Variants in MYH6 observed in about 807,000 individuals in gnomAD.
MYH6 encodes myosin heavy chain 6.
In MYH6, 126 loss-of-function variants were observed where a neutral mutation model predicts 223.2. The observed-to-expected ratio is 0.56, with a 90% CI of 0.49 to 0.65. The LOEUF (loss-of-function observed/expected upper bound fraction) is 0.65, where lower values mean the gene tolerates loss of function less well. Ranked by LOEUF, MYH6 falls within the 30% of genes least tolerant of loss-of-function variation. MYH6 has a pLI of 0.00. For synonymous variants in MYH6, 978 were observed against 1,010.2 expected (o/e 0.97, Z 0.61); for missense variants, 2,040 against 2,536.4 (o/e 0.80, Z 4.20).
At chr14:23,402,383 A>G (rs1212511273) in intron 12 of MYH6, 81 bp downstream of exon 12, 1 of 1,595,456 alleles carries the variant, frequency 6.3e-7, no homozygotes, top group Non-Finnish European at 8.5e-7. Context: ...CACAAGCCTC[A>G]GAGTCTCTGG....
chr14:23,392,862 A>G (rs1378699765), intron 24 of MYH6, 50 bp downstream of exon 24: 1 of 1,609,634 alleles, frequency 6.2e-7, no homozygotes, highest in Admixed American at 1.7e-5. Context: ...CACTCTATCT[A>G]CCAGGCCAGA....
At position 23,383,339 on chromosome 14, in the gene MYH6, G is replaced by GGGGGGGGGGCCCCCCCCCCCCC; in HGVS notation, c.5566-20_5566-19insGGGGGGGGGGGGGCCCCCCCCC. ...CCTCTGTCTGGGGGTGGGAGGGTGG[G>GGGGGGGGGGCCCCCCCCCCCCC]AGAAGCTGGTTTGGAGGGGGAGCAA... On this transcript the variant is annotated intron_variant, in intron 36 of 38. Coordinates refer to ENST00000405093, the MANE Select transcript of MYH6 (RefSeq NM_002471.4). The GGGGGGGGGGCCCCCCCCCCCCC allele has an allele frequency of 9.2e-6, 1 of 108,188 alleles. No homozygotes were observed. The highest frequency in any genetic ancestry group is 1.8e-5 in the Non-Finnish European group (1 of 54,380). 6.7% of individuals were successfully genotyped at this position (108,188 alleles called of 1,614,324 possible). A position where few individuals can be genotyped will look rare whatever the true frequency, so the allele number is the denominator to read the frequency against.
At chr14:23,396,917 C>G in intron 18 of MYH6, 46 bp downstream of exon 18, 4 of 1,612,464 alleles carry the variant, frequency 2.5e-6, no homozygotes, top group Non-Finnish European at 3.4e-6. Context: ...ATCAGGGCAG[C>G]CTGGCTCCCC....
chr14:23,396,217 C>T, intron 20 of MYH6, 67 bp downstream of exon 20: 1 of 1,610,016 alleles, frequency 6.2e-7, no homozygotes. Context: ...TTCTGACCCA[C>T]ACTAGTTGAC....
At position 23,384,592 on chromosome 14, in the gene MYH6, G is replaced by A. The variant is rs776160056; in HGVS notation, c.5415C>T (p.Ile1805=). The stretch of plus-strand genomic sequence containing the variant: ...GCTGCTTCTTGCCTCCCTTGAGGGC[G>A]ATCTGCTCGGCCTCGTCCAGCCGGT... ...LQHRLDEAEQ[I]ALKGGKKQLQ... is the part of the protein sequence containing the mutation. The change falls in exon 36 of 39, where the codon ATC becomes ATT. Residue 1805 remains isoleucine (I), a synonymous_variant. Transcript: ENST00000405093. 12 of 1,613,622 alleles carry A rather than the reference G, an allele frequency of 7.4e-6. No homozygotes were observed. The highest frequency in any genetic ancestry group is 1.7e-5 in the Admixed American group (1 of 60,014).
At position 23,402,362 on chromosome 14, in the gene MYH6, C is replaced by T. The variant is rs536643306; in HGVS notation, c.1141+102G>A. ...CTGTCCCTCACCATCCCACAACACA[C>T]CCCACTGCCCCACAAGCCTCAGAGT... On this transcript the variant is annotated intron_variant, in intron 12 of 38. Transcript: ENST00000405093. 5 of 1,560,644 alleles carry T rather than the reference C, an allele frequency of 3.2e-6. No homozygotes were observed. In the Admixed American group the frequency reaches 5.1e-5, roughly 16 times the overall value.
Position 23,407,021 on chromosome 14 carries a change from A to G in MYH6, c.201+2T>C. The G allele has an allele frequency of 1.2e-6, 2 of 1,608,646 alleles. No homozygotes were observed. The highest frequency in any genetic ancestry group is 2.2e-5 in the East Asian group (1 of 44,716). On this transcript the variant is annotated splice_donor_variant, in intron 3 of 38. Transcript: ENST00000405093. LOFTEE classifies it high-confidence loss of function. This position sits in a 1 kb window ranked among gnomAD's most constrained non-coding sequence, Gnocchi z 5.6. ...TCTGCCCCGGCGCCATGCCCTACTC[A>G]CCTTCCCATTCTCGGTTTCAGCAAT...
In MYH6 at chr14:23,392,985, C is replaced by T. The variant is rs775560235; in HGVS notation, c.3178G>A (p.Asp1060Asn). Residue 1060 changes from aspartate to asparagine, a missense_variant, in exon 24 of 39, where the codon GAC (aspartate) becomes AAC (asparagine). This residue lies in a region of MYH6 where 1,203 missense variants were observed against 1,400.2 expected (regional missense o/e 0.86). Transcript: ENST00000405093. Reference protein sequence around the residue: ...LERAKRKLEGDLKLTQESIMD... With the variant: ...LERAKRKLEGNLKLTQESIMD... ...ATGCTCTCCTGGGTCAGCTTCAGGT[C>T]GCCCTCCAGTTTCCGCTTTGCTCGC... The T allele has an allele frequency of 2.8e-5, 46 of 1,614,182 alleles. No homozygotes were observed. In the South Asian group the frequency reaches 3.0e-4, roughly 10 times the overall value.
At chr14:23,400,688 C>T in intron 13 of MYH6, 21 bp downstream of exon 13, 1 of 1,614,230 alleles carries the variant, frequency 6.2e-7, no homozygotes, top group Non-Finnish European at 8.5e-7. Flanking sequence ...TGTTCTCCCA[C>T]TCCCAGGGGT....
intron 15 of MYH6, among the ~76,000 whole-genome samples, chr14:23,397,910 T>TCTTCTCCTC (rs1891446401): frequency 8.9e-6 from 1 of 112,908 alleles, no homozygotes; most frequent in Admixed American, 8.2e-5. Flanking sequence ...ACATTCTAGT[T>TCTTCTCCTC]CTCCTCCTCC....
intron 30 of MYH6, 34 bp from the exon 31 acceptor site, chr14:23,387,957 C>G (rs760044070): frequency 5.6e-6 from 9 of 1,611,530 alleles, no homozygotes; most frequent in Admixed American, 1.7e-5. Flanking sequence ...TTCAGCCCCC[C>G]AGCCTTAGCT....
In MYH6 at chr14:23,398,892, G is replaced by A. The variant is rs769103956; in HGVS notation, c.1727C>T (p.Ala576Val). 4 of 1,614,028 alleles carry A rather than the reference G, an allele frequency of 2.5e-6. No individual in the cohort carries two copies. Among genetic ancestry groups the A allele is most frequent in the Admixed American group, 1.7e-5 (1 of 60,000 alleles). Residue 576 changes from alanine to valine, a missense_variant, in exon 15 of 39, where the codon GCC (alanine) becomes GTC (valine). This residue lies in a region of MYH6 where 649 missense variants were observed against 877.3 expected (regional missense o/e 0.74). Transcript: ENST00000405093. Reference sequence around the variant, plus strand: ...GGCGTAGTGGATCAGGGAGAAGTGGGCTTCCTGCTTCCCCTTGATGTTGCG... The same window carrying A: ...GGCGTAGTGGATCAGGGAGAAGTGGACTTCCTGCTTCCCCTTGATGTTGCG... Reference protein sequence around the residue: ...KPRNIKGKQEAHFSLIHYAGT... With the variant: ...KPRNIKGKQEVHFSLIHYAGT...
rs147586142 is a variant in MYH6 at position 23,387,853 on chromosome 14, C to T, written c.4430G>A (p.Arg1477His). 25 of 1,614,056 alleles carry T rather than the reference C, an allele frequency of 1.5e-5. No homozygotes were observed. Among genetic ancestry groups the T allele is most frequent in the East Asian group, 1.1e-4 (5 of 44,856 alleles). Reference sequence around the variant, plus strand: ...CTTGAAGAGCTCTGTGCTGAGGGAGCGAGCCTCCTTCTGTGAGGACTCCAG... The same window carrying T: ...CTTGAAGAGCTCTGTGCTGAGGGAGTGAGCCTCCTTCTGTGAGGACTCCAG... Reference protein sequence around the residue: ...SELESSQKEARSLSTELFKLK... With the variant: ...SELESSQKEAHSLSTELFKLK... Residue 1477 changes from arginine to histidine, a missense_variant, in exon 31 of 39, where the codon CGC (arginine) becomes CAC (histidine). By Grantham distance (29) the Arg-to-His change is conservative. Coordinates refer to ENST00000405093, the MANE Select transcript of MYH6 (RefSeq NM_002471.4).
intron 32 of MYH6, 41 bp from the exon 33 acceptor site, chr14:23,386,664 G>T (rs779214752): frequency 6.3e-7 from 1 of 1,579,758 alleles, no homozygotes; most frequent in South Asian, 1.2e-5. Context: ...CAGGGCACAG[G>T]GCAGGGTTGA....
Position 23,397,265 on chromosome 14 carries a change from CA to C in MYH6, c.1963-9del, listed in dbSNP as rs1378799945. 2 of 1,613,792 alleles carry C rather than the reference CA, an allele frequency of 1.2e-6. No homozygotes were observed. Among genetic ancestry groups the C allele is most frequent in the East Asian group, 4.5e-5 (2 of 44,880 alleles). On this transcript the variant is annotated splice_polypyrimidine_tract_variant and intron_variant, in intron 16 of 38. Transcript: ENST00000405093. The stretch of plus-strand genomic sequence containing the variant: ...TAGCTTGTTGAGATTTTCCTGGAGG[CA>C]GATGAAGGTGGGGAGTTAGGAGCCA...
intron 32 of MYH6, 26 bp from the exon 33 acceptor site, chr14:23,386,649 G>GGGGGGGGGGGC: frequency 8.1e-7 from 1 of 1,240,132 alleles, no homozygotes. Flanking sequence ...GCGAGGGCGG[G>GGGGGGGGGGGC]CAGACAGGGC....
chr14:23,397,934 C>CTTCTTCTTCTTCTTCTTCTTCTTCTTT (rs1566512284), intron 15 of MYH6, among the ~76,000 whole-genome samples: 12 of 56,518 alleles, frequency 2.1e-4, no homozygotes, highest in East Asian at 4.7e-4. Context: ...TCCTCCTCCT[C>CTTCTTCTTCTTCTTCTTCTTCTTCTTT]TTCTTCTTCT....
Position 23,402,720 on chromosome 14 carries a change from A to G in MYH6, c.979T>C (p.Ser327Pro). 1 of 1,613,458 alleles carries G rather than the reference A, an allele frequency of 6.2e-7. No homozygotes were observed. Among genetic ancestry groups the G allele is most frequent in the Non-Finnish European group, 8.5e-7 (1 of 1,179,920 alleles). The change falls in exon 11 of 39, where the codon TCC becomes CCC. Residue 327 changes from serine (S) to proline (P), a missense_variant. By Grantham distance (74) the Ser-to-Pro change is moderately conservative (BLOSUM62 -1). Transcript: ENST00000405093. ...GEVSVASIDD[S>P]EELMATDSAF... The stretch of plus-strand genomic sequence containing the variant: ...ACATCGGTGGCCATGAGCTCCTCGG[A>G]GTCATCAATGGAGGCCACGGACACC...
chr14:23,391,363 G>A (rs534778132), intron 25 of MYH6, among the ~76,000 whole-genome samples: 6 of 152,318 alleles, frequency 3.9e-5, no homozygotes, highest in East Asian at 1.9e-4. Context: ...GCCTATTGCC[G>A]AGAGCTGATG....
Sources: gnomAD v4.1 joint callset for allele counts (sites outside exome capture counted in the v4.1 genomes callset) on GRCh38, gnomAD v4.1.1 for gene constraint, gnomAD v4.1.1 regional missense constraint, Gnocchi (gnomAD v3.1) non-coding constraint, MANE v1.5 for transcripts, NCBI Gene and HGNC (gene_info 2026-07-23, HGNC 2026-07-21) for gene names.